KSR2: variants seen among roughly 807,000 people sequenced by gnomAD.
KSR2 encodes the protein kinase suppressor of ras 2.
Under a neutral mutation model 107.8 loss-of-function variants are expected in KSR2, and 25 were observed. The ratio of observed to expected loss-of-function variants is 0.23; its 90% CI spans 0.17 to 0.32. The LOEUF (loss-of-function observed/expected upper bound fraction) is 0.32, where lower values mean the gene tolerates loss of function less well. KSR2 is among the 10% of genes least tolerant of loss of function. The probability of loss-of-function intolerance (pLI) is 1.00; values close to 1 mark genes in which losing one functional copy is unlikely to be tolerated. For missense variants in KSR2, 887 were observed against 1,268.9 expected (o/e 0.70, Z 4.57); for synonymous variants, 480 against 507.0 (o/e 0.95, Z 0.71).
chr12:117,819,325 C>A (rs1891483048), intron 3 of KSR2, among the ~76,000 whole-genome samples: 1 of 152,208 alleles, frequency 6.6e-6, no homozygotes, highest in African/African-American at 2.4e-5. Context: ...TTCTTTCATC[C>A]AGCAAACATC....
At chr12:117,619,700 C>T (rs1882077562) in intron 5 of KSR2, among the ~76,000 whole-genome samples, 1 of 150,636 alleles carries the variant, frequency 6.6e-6, no homozygotes, top group South Asian at 2.1e-4. Flanking sequence ...CTAATAACAA[C>T]ACACACATAT....
intron 5 of KSR2, among the ~76,000 whole-genome samples, chr12:117,643,364 TTGAATCTGGGAAGCGGAGGCTGCAG>T (rs1343199395): frequency 6.6e-6 from 1 of 152,116 alleles, no homozygotes; most frequent in African/African-American, 2.4e-5. Flanking sequence ...GGAGAATCGC[TTGAATCTGGGAAGCGGAGGCTGCAG>T]TGAGCCAAGA....
At chr12:117,671,186 T>C (rs1360537553) in intron 4 of KSR2, among the ~76,000 whole-genome samples, 2 of 152,198 alleles carry the variant, frequency 1.3e-5, no homozygotes, top group East Asian at 1.9e-4. Context: ...TGTCCTCTCC[T>C]CCAGGAAGTC....
chr12:117,731,598 G>C (rs1887711778), intron 4 of KSR2, among the ~76,000 whole-genome samples: 1 of 152,166 alleles, frequency 6.6e-6, no homozygotes, highest in African/African-American at 2.4e-5. Flanking sequence ...ATAGAAAAGG[G>C]GGAAATGTGG....
chr12:117,776,430 G>T (rs1404002803), intron 3 of KSR2, among the ~76,000 whole-genome samples: 1 of 152,096 alleles, frequency 6.6e-6, no homozygotes, highest in African/African-American at 2.4e-5. Flanking sequence ...CTTAGAGTTG[G>T]GGTATTTACT....
At chr12:117,851,615 G>A (rs569834535) in intron 3 of KSR2, among the ~76,000 whole-genome samples, 2 of 152,118 alleles carry the variant, frequency 1.3e-5, no homozygotes, top group East Asian at 3.9e-4. Flanking sequence ...GGCAGGCCAG[G>A]CACGGTGGCT....
intron 1 of KSR2, among the ~76,000 whole-genome samples, chr12:117,892,926 G>T (rs928786587): frequency 1.3e-5 from 2 of 151,822 alleles, no homozygotes; most frequent in Non-Finnish European, 2.9e-5. Flanking sequence ...CACAAGACAA[G>T]GCACCCAACT....
intron 9 of KSR2, among the ~76,000 whole-genome samples, chr12:117,543,844 C>T (rs1876669665): frequency 6.6e-6 from 1 of 152,216 alleles, no homozygotes; most frequent in East Asian, 1.9e-4. Context: ...TAGAATCCTT[C>T]TTTGCCTCTT....
intron 3 of KSR2, among the ~76,000 whole-genome samples, chr12:117,829,098 A>C (rs978594780): frequency 2.0e-5 from 3 of 152,158 alleles, no homozygotes; most frequent in Non-Finnish European, 4.4e-5. Context: ...TGGAAGATGA[A>C]GACATAAGAG....
chr12:117,684,854 G>C (rs1885504288), intron 4 of KSR2, among the ~76,000 whole-genome samples: 1 of 152,160 alleles, frequency 6.6e-6, no homozygotes, highest in Non-Finnish European at 1.5e-5. Flanking sequence ...TGGCAGTTCT[G>C]GCGGATTTCA....
intron 5 of KSR2, among the ~76,000 whole-genome samples, chr12:117,608,764 C>T (rs1019806252): frequency 6.6e-6 from 1 of 151,888 alleles, no homozygotes; most frequent in Non-Finnish European, 1.5e-5. Context: ...GGAGAAGGGA[C>T]CAATGAAAGC....
At chr12:117,856,467 TG>T (rs1893105164) in intron 2 of KSR2, among the ~76,000 whole-genome samples, 1 of 152,220 alleles carries the variant, frequency 6.6e-6, no homozygotes, top group South Asian at 2.1e-4. Flanking sequence ...TGCCTTTTTT[TG>T]TTTTTTGTTT....
intron 5 of KSR2, among the ~76,000 whole-genome samples, chr12:117,593,550 T>G (rs1880448401): frequency 6.6e-6 from 1 of 152,266 alleles, no homozygotes. Flanking sequence ...AGTTGGAATG[T>G]GCAAAATGGA....
intron 3 of KSR2, among the ~76,000 whole-genome samples, chr12:117,799,749 C>G (rs543108138): frequency 6.6e-6 from 1 of 152,186 alleles, no homozygotes; most frequent in Non-Finnish European, 1.5e-5. Context: ...TATAATAGTA[C>G]CCACAACTAA....
chr12:117,506,742 G>T (rs192595586), intron 14 of KSR2, among the ~76,000 whole-genome samples: 1 of 152,244 alleles, frequency 6.6e-6, no homozygotes, highest in Non-Finnish European at 1.5e-5. Context: ...GCTTATTCTG[G>T]GAATAGTTCA....
At chr12:117,932,746 C>T (rs931880418) in intron 1 of KSR2, among the ~76,000 whole-genome samples, 3 of 151,826 alleles carry the variant, frequency 2.0e-5, no homozygotes, top group African/African-American at 7.3e-5. Context: ...GGTGCAGTGG[C>T]TCACGCCCAT....
chr12:117,830,528 A>G (rs1439321387), intron 3 of KSR2, among the ~76,000 whole-genome samples: 1 of 152,170 alleles, frequency 6.6e-6, no homozygotes, highest in Non-Finnish European at 1.5e-5. Context: ...TAAAAATTAA[A>G]TTAAATTAAA....
At chr12:117,964,852 T>C (rs4534678) in intron 1 of KSR2, among the ~76,000 whole-genome samples, 48,016 of 152,074 alleles carry the variant, frequency 0.32, 9,056 homozygotes, top group African/African-American at 0.53. Context: ...GACTCAACGT[T>C]CATGAACTTT....
At chr12:117,539,977 C>A in intron 9 of KSR2, 90 bp from the exon 10 acceptor site, 1 of 1,083,798 alleles carries the variant, frequency 9.2e-7, no homozygotes, top group South Asian at 1.5e-5. Flanking sequence ...AGGCCCCCAC[C>A]CCAGCCCCTG....
Sources: allele counts gnomAD v4.1 joint callset (sites outside exome capture counted in the v4.1 genomes callset), GRCh38; gene constraint gnomAD v4.1.1; transcripts MANE v1.5; gene names NCBI Gene and HGNC (gene_info 2026-07-23, HGNC 2026-07-21).